The following ENTREP2 variants were observed in gnomAD, a reference collection of about 807,000 sequenced individuals.
The protein encoded by ENTREP2 is protein ENTREP2.
chr15:29,130,780 G>T, the ENTREP2 span, among the ~76,000 whole-genome samples: 1 of 152,198 alleles, frequency 6.6e-6, no homozygotes, highest in Non-Finnish European at 1.5e-5. Flanking sequence ...AAGCCACCTT[G>T]CCACGCTAAG....
At chr15:29,234,171 A>G in the ENTREP2 span, 2 of 1,598,030 alleles carry the variant, frequency 1.3e-6, no homozygotes, top group Non-Finnish European at 1.7e-6. Context: ...TCAGGCCTTG[A>G]TCTGGGTCCA....
chr15:29,631,440 T>C, the ENTREP2 span, among the ~76,000 whole-genome samples: 9 of 152,200 alleles, frequency 5.9e-5, no homozygotes, highest in African/African-American at 2.2e-4. Flanking sequence ...GCAAGTCCCT[T>C]AGGCTGCGGG....
the ENTREP2 span, among the ~76,000 whole-genome samples, chr15:29,605,454 T>A: frequency 2.0e-5 from 3 of 152,212 alleles, no homozygotes. Context: ...GTTTGTCTTA[T>A]TTCACTTAAC....
chr15:29,618,888 G>C, the ENTREP2 span, among the ~76,000 whole-genome samples: 1 of 152,152 alleles, frequency 6.6e-6, no homozygotes, highest in Admixed American at 6.5e-5. Flanking sequence ...CACAGAAGAC[G>C]CTAAGACAAC....
the ENTREP2 span, among the ~76,000 whole-genome samples, chr15:29,490,488 C>A: frequency 1.3e-5 from 2 of 152,204 alleles, no homozygotes; most frequent in Admixed American, 1.3e-4. Context: ...GCCCATTTTA[C>A]AGAGAGCTGA....
At chr15:29,140,073 C>T in the ENTREP2 span, among the ~76,000 whole-genome samples, 1 of 152,208 alleles carries the variant, frequency 6.6e-6, no homozygotes, top group African/African-American at 2.4e-5. Flanking sequence ...CCCTTCTGTT[C>T]CCCGGCTTTG....
the ENTREP2 span, among the ~76,000 whole-genome samples, chr15:29,348,978 A>G: frequency 6.6e-6 from 1 of 152,232 alleles, no homozygotes; most frequent in African/African-American, 2.4e-5. Flanking sequence ...TGATAACCAT[A>G]ACTCAAATAT....
chr15:29,283,203 G>A, the ENTREP2 span, among the ~76,000 whole-genome samples: 1 of 152,198 alleles, frequency 6.6e-6, no homozygotes, highest in African/African-American at 2.4e-5. Context: ...ACACTTGAAA[G>A]AGAAGTTGCA....
the ENTREP2 span, among the ~76,000 whole-genome samples, chr15:29,155,095 A>G: frequency 0.35 from 52,576 of 150,822 alleles, 9,818 homozygotes; most frequent in African/African-American, 0.46. Flanking sequence ...ATCCTGGCTA[A>G]CACGGTGAAA....
At chr15:29,393,878 T>C in the ENTREP2 span, among the ~76,000 whole-genome samples, 1 of 152,204 alleles carries the variant, frequency 6.6e-6, no homozygotes, top group African/African-American at 2.4e-5. Flanking sequence ...ACTATATTTC[T>C]CAAATCACTT....
At chr15:29,306,550 A>C in the ENTREP2 span, among the ~76,000 whole-genome samples, 1 of 152,188 alleles carries the variant, frequency 6.6e-6, no homozygotes, top group Admixed American at 6.5e-5. Flanking sequence ...CATTTTTAAA[A>C]GCACATACTT....
the ENTREP2 span, chr15:29,136,278 C>T: frequency 1.8e-5 from 25 of 1,357,074 alleles, no homozygotes; most frequent in East Asian, 2.4e-4. Context: ...GGACCTGGCG[C>T]GGTGTGAGGT....
chr15:29,436,772 A>G, the ENTREP2 span, among the ~76,000 whole-genome samples: 1 of 152,350 alleles, frequency 6.6e-6, no homozygotes, highest in African/African-American at 2.4e-5. Context: ...AAGAGAAACC[A>G]ATAAATGACT....
chr15:29,625,223 G>A, the ENTREP2 span, among the ~76,000 whole-genome samples: 1 of 152,266 alleles, frequency 6.6e-6, no homozygotes, highest in South Asian at 2.1e-4. Flanking sequence ...TCATTGCTGA[G>A]TAATATTTTC....
chr15:29,552,007 C>G, the ENTREP2 span, among the ~76,000 whole-genome samples: 5 of 152,186 alleles, frequency 3.3e-5, no homozygotes, highest in African/African-American at 1.2e-4. Flanking sequence ...AGAAACCCTT[C>G]CCTGTGGTTA....
the ENTREP2 span, among the ~76,000 whole-genome samples, chr15:29,656,847 G>T: frequency 2.0e-5 from 3 of 152,116 alleles, no homozygotes; most frequent in Non-Finnish European, 2.9e-5. Context: ...TCACTGCTAG[G>T]TATTACCCAA....
At chr15:29,331,466 T>C in the ENTREP2 span, among the ~76,000 whole-genome samples, 1 of 152,076 alleles carries the variant, frequency 6.6e-6, no homozygotes, top group East Asian at 1.9e-4. Context: ...AGACGAGTCC[T>C]TGGCACTGAT....
At chr15:29,184,394 T>C in the ENTREP2 span, among the ~76,000 whole-genome samples, 1 of 152,186 alleles carries the variant, frequency 6.6e-6, no homozygotes, top group Non-Finnish European at 1.5e-5. Context: ...AAATGACCCA[T>C]TGGCTGTCCC....
At chr15:29,511,332 C>CT in the ENTREP2 span, among the ~76,000 whole-genome samples, 2 of 115,916 alleles carry the variant, frequency 1.7e-5, no homozygotes, top group African/African-American at 7.2e-5. Context: ...TTTTCTTCTT[C>CT]TTTTTTCTTT....
Sources: allele counts gnomAD v4.1 joint callset (sites outside exome capture counted in the v4.1 genomes callset), GRCh38; gene constraint gnomAD v4.1.1; transcripts MANE v1.5; gene names NCBI Gene and HGNC (gene_info 2026-07-23, HGNC 2026-07-21).